ESYT1: variants seen among roughly 807,000 people sequenced by gnomAD.
The protein encoded by ESYT1 is extended synaptotagmin-1.
A neutral mutation model predicts 154.2 loss-of-function variants in ESYT1; 116 were observed. The ratio of observed to expected loss-of-function variants is 0.75; its 90% CI spans 0.65 to 0.88. The LOEUF is 0.88. Ranked by LOEUF, ESYT1 falls within the 40% of genes least tolerant of loss-of-function variation. The probability of loss-of-function intolerance (pLI) is 0.00; values close to 1 mark genes in which losing one functional copy is unlikely to be tolerated. For missense variants in ESYT1, 1,264 were observed against 1,379.3 expected, an observed-to-expected ratio of 0.92 and a Z score of 1.32; for synonymous variants, 500 against 539.9, an observed-to-expected ratio of 0.93 and a Z score of 1.02.
intron 19 of ESYT1, 38 bp from the exon 20 acceptor site, chr12:56,137,988 C>T (rs1014327474): frequency 1.2e-6 from 2 of 1,613,904 alleles, no homozygotes; most frequent in South Asian, 1.1e-5. Context: ...CCTTGGTTCT[C>T]ACCATCTAGC....
Position 56,137,868 on chromosome 12 carries a change from G to A in ESYT1, c.2152G>A (p.Val718Ile), listed in dbSNP as rs745575716. The change falls in exon 19 of 31, where the codon GTT (valine) becomes ATT (isoleucine). Residue 718 changes from valine (V) to isoleucine (I), a missense_variant. Transcript: ENST00000394048. Reference sequence around the variant, plus strand: ...ATCAGTTCCAGGCCAAGAGCTAGAGGTTGAAGTCTTTGACAAGGACTTGGA... The same window carrying A: ...ATCAGTTCCAGGCCAAGAGCTAGAGATTGAAGTCTTTGACAAGGACTTGGA... ...VTSVPGQELE[V>I]EVFDKDLDKD... The A allele has an allele frequency of 6.2e-7, 1 of 1,614,202 alleles. No individual in the cohort carries two copies. The highest frequency in any genetic ancestry group is 1.7e-5 in the Admixed American group (1 of 60,024).
At chr12:56,131,604 G>T (rs768315411) in intron 6 of ESYT1, 38 bp downstream of exon 6, 150 of 1,610,678 alleles carry the variant, frequency 9.3e-5, no homozygotes, top group Non-Finnish European at 1.3e-4. Flanking sequence ...GGAAGCAGGA[G>T]AAACAGAGGA....
rs1565877828 is a variant in ESYT1 at position 56,143,834 on chromosome 12, TGGACAACAA to T, written c.3294_3302del (p.Asn1098_Asp1100del). Reference sequence around the variant, plus strand: ...CCCTCTTTTCACAGGTATGACCTGATGGACAACAAGGACAAGGGCAGCTCCTAGGAGCTG... The same window carrying T: ...CCCTCTTTTCACAGGTATGACCTGATGGACAAGGGCAGCTCCTAGGAGCTG... On this transcript the variant is annotated inframe_deletion, in exon 31 of 31. Coordinates refer to ENST00000394048, the MANE Select transcript of ESYT1 (RefSeq NM_015292.3). 20 of 1,614,114 alleles carry T rather than the reference TGGACAACAA, an allele frequency of 1.2e-5. No individual in the cohort carries two copies. The highest frequency in any genetic ancestry group is 1.7e-5 in the Non-Finnish European group (20 of 1,179,966).
chr12:56,141,476 C>T (rs527949009), intron 24 of ESYT1, among the ~76,000 whole-genome samples: 2 of 152,236 alleles, frequency 1.3e-5, no homozygotes, highest in Non-Finnish European at 2.9e-5. Flanking sequence ...CGCGGTGGCT[C>T]ACGCCTGTAA....
chr12:56,134,300 G>T (rs1452386608), intron 14 of ESYT1, 42 bp from the exon 15 acceptor site: 16 of 1,604,676 alleles, frequency 1.0e-5, no homozygotes, highest in Non-Finnish European at 1.4e-5. Flanking sequence ...AACAGGAATG[G>T]TGCTGTGGTA....
At chr12:56,138,155 C>CA (rs762693323) in intron 20 of ESYT1, 28 bp from the exon 21 acceptor site, 5 of 1,613,896 alleles carry the variant, frequency 3.1e-6, no homozygotes, top group East Asian at 4.5e-5. Flanking sequence ...TGCATATCCC[C>CA]AAGTCTTCAC....
At chr12:56,136,195 G>A (rs1022754033) in intron 15 of ESYT1, among the ~76,000 whole-genome samples, 14 of 151,876 alleles carry the variant, frequency 9.2e-5, no homozygotes, top group African/African-American at 3.4e-4. Flanking sequence ...GGGAGATTTT[G>A]TGAAGCAAAA....
chr12:56,130,004 T>C (rs1360746713), intron 1 of ESYT1, among the ~76,000 whole-genome samples: 1 of 152,018 alleles, frequency 6.6e-6, no homozygotes, highest in Admixed American at 6.6e-5. Flanking sequence ...CTGCAACCTC[T>C]GCCTCTTCAA....
chr12:56,134,273 C>T, intron 14 of ESYT1, 69 bp from the exon 15 acceptor site: 1 of 1,592,844 alleles, frequency 6.3e-7, no homozygotes, highest in Admixed American at 1.7e-5. Context: ...CTGTTACATG[C>T]AGGGGTTTTC....
Position 56,137,388 on chromosome 12 carries a change from G to T in ESYT1, c.1938+15G>T, listed in dbSNP as rs138264865. 6.8e-6 allele frequency: 11 copies of T among 1,614,144 alleles called. No homozygotes were observed. In the East Asian group the frequency reaches 2.2e-4, roughly 33 times the overall value. On this transcript the variant is annotated intron_variant, in intron 17 of 30. Transcript: ENST00000394048. Reference sequence around the variant, plus strand: ...TTGGGACTGAGGTGAGTCTATATCTGGAAAGGACTAGGGTCTGTTTGCCCC... The same window carrying T: ...TTGGGACTGAGGTGAGTCTATATCTTGAAAGGACTAGGGTCTGTTTGCCCC...
chr12:56,143,246 C>A lies in ESYT1; in HGVS notation c.3138C>A (p.Pro1046=). ...EFNERFEWEL[P]LDEAQRRKLD... ...ACCCCAGGTTTGAGTGGGAACTCCC[C>A]CTGGATGAGGCCCAGAGACGAAAGC... The change falls in exon 29 of 31, where the codon CCC becomes CCA. Residue 1046 remains proline (P), a synonymous_variant. Transcript: ENST00000394048. The A allele has an allele frequency of 6.2e-7, 1 of 1,614,128 alleles. No homozygotes were observed. The highest frequency in any genetic ancestry group is 8.5e-7 in the Non-Finnish European group (1 of 1,180,028).
In ESYT1 at chr12:56,132,936, C is replaced by T. The variant is rs112320924; in HGVS notation, c.1244+135C>T. 37 of 708,128 alleles carry T rather than the reference C, an allele frequency of 5.2e-5. No homozygotes were observed. In the Admixed American group the frequency reaches 5.2e-4, roughly 10 times the overall value. The allele number at this position is 708,128 out of a possible 1,614,324, so 43.9% of individuals were successfully genotyped here. ...GAGATTGAGACCATCCTGGCTAACA[C>T]GGTGAAACCCCATCTCTACTAAAAA... On this transcript the variant is annotated intron_variant, in intron 10 of 30. Coordinates refer to ENST00000394048, the MANE Select transcript of ESYT1 (RefSeq NM_015292.3).
Position 56,133,767 on chromosome 12 carries a change from C to T in ESYT1, c.1381-14C>T. The T allele has an allele frequency of 1.2e-6, 2 of 1,613,652 alleles. No individual in the cohort carries two copies. The highest frequency in any genetic ancestry group is 1.7e-6 in the Non-Finnish European group (2 of 1,179,612). ...AACGGGGACCAAGATCTGACTACTA[C>T]CACCCCTCCCCAGGTTCTACAGTGG... On this transcript the variant is annotated splice_polypyrimidine_tract_variant and intron_variant, in intron 12 of 30. Coordinates refer to ENST00000394048, the MANE Select transcript of ESYT1 (RefSeq NM_015292.3).
At chr12:56,132,058 G>GACTGCAAAA in intron 7 of ESYT1, 151 bp from the exon 8 acceptor site, 2 of 1,259,968 alleles carry the variant, frequency 1.6e-6, no homozygotes, top group Non-Finnish European at 2.3e-6. Context: ...AGCAGTAGGT[G>GACTGCAAAA]GGGAATTAGG....
chr12:56,143,100 G>GGAGGACCTCACAGAAGAA lies in ESYT1; in HGVS notation c.3079_3096dup (p.Ser1027_Thr1032dup). The GGAGGACCTCACAGAAGAA allele has an allele frequency of 6.2e-7, 1 of 1,614,160 alleles. No homozygotes were observed. Among genetic ancestry groups the GGAGGACCTCACAGAAGAA allele is most frequent in the Non-Finnish European group, 8.5e-7 (1 of 1,180,026 alleles). On this transcript the variant is annotated inframe_insertion, in exon 28 of 31. Transcript: ENST00000394048. The stretch of plus-strand genomic sequence containing the variant: ...CCAGACAAGAACCGAGGCACCAAGA[G>GGAGGACCTCACAGAAGAA]GAGGACCTCACAGAAGAAGAGGACC...
At position 56,142,195 on chromosome 12, in the gene ESYT1, A is replaced by C; in HGVS notation, c.2593-90A>C. On this transcript the variant is annotated intron_variant, in intron 24 of 30. Coordinates refer to ENST00000394048, the MANE Select transcript of ESYT1 (RefSeq NM_015292.3). The surrounding 1 kb of genome is among the most constrained non-coding windows in gnomAD (Gnocchi z 4.1). ...AAAGGGAAATCTCACCAAACCACCT[A>C]TGAGTCCAAGCGTTTGGACCTTTAA... 6.8e-7 allele frequency: 1 copy of C among 1,479,544 alleles called. No homozygotes were observed. Among genetic ancestry groups the C allele is most frequent in the South Asian group, 1.3e-5 (1 of 78,828 alleles). The allele number at this position is 1,479,544 out of a possible 1,614,324, so 91.7% of individuals were successfully genotyped here. A position where few individuals can be genotyped will look rare whatever the true frequency, so the allele number is the denominator to read the frequency against.
rs1272414348 is a variant in ESYT1, at chr12:56,142,398, G to T, written c.2706G>T (p.Gly902=). 1.9e-6 allele frequency: 3 copies of T among 1,613,936 alleles called. No individual in the cohort carries two copies. Among genetic ancestry groups the T allele is most frequent in the Non-Finnish European group, 2.5e-6 (3 of 1,179,904 alleles). Residue 902 remains glycine, a synonymous_variant, in exon 25 of 31, where the codon GGG becomes GGT. Coordinates refer to ENST00000394048, the MANE Select transcript of ESYT1 (RefSeq NM_015292.3). This position sits in a 1 kb window ranked among gnomAD's most constrained non-coding sequence, Gnocchi z 4.1. ...GGTTTACACTCAGCAGTGGTCAGGG[G>T]CAGGTGCTACTGAGAGCACAGCTAG... The part of the protein sequence containing the change: ...DRWFTLSSGQ[G]QVLLRAQLGI...
intron 1 of ESYT1, 32 bp from the exon 2 acceptor site, chr12:56,130,550 C>T (rs756511168): frequency 1.2e-6 from 2 of 1,612,986 alleles, no homozygotes; most frequent in South Asian, 2.2e-5. Context: ...GGGTGTGCTG[C>T]ACGTCACTGT....
chr12:56,130,929 T>C lies in ESYT1; in HGVS notation c.567+4T>C, dbSNP rs980582776. ...ACGAGTGGAACTGGGTGAAAAGGTA[T>C]GTGTGGAGGAGGGAAAGTGAGGAGG... On this transcript the variant is annotated splice_donor_region_variant and intron_variant, in intron 3 of 30. Coordinates refer to ENST00000394048, the MANE Select transcript of ESYT1 (RefSeq NM_015292.3). 1.9e-6 allele frequency: 3 copies of C among 1,614,012 alleles called. No individual in the cohort carries two copies. The highest frequency in any genetic ancestry group is 2.7e-5 in the African/African-American group (2 of 74,904).
Sources: allele counts gnomAD v4.1 joint callset (sites outside exome capture counted in the v4.1 genomes callset), GRCh38; gene constraint gnomAD v4.1.1; non-coding constraint Gnocchi (gnomAD v3.1); transcripts MANE v1.5; gene names NCBI Gene and HGNC (gene_info 2026-07-23, HGNC 2026-07-21).